ENOX1: variants seen among roughly 807,000 people sequenced by gnomAD.
ENOX1 encodes candidate growth-related and time keeping constitutive hydroquinone (NADH) oxidase.
ENOX1 carries 42 observed loss-of-function variants against 82.5 expected under a neutral mutation model. That is an observed-to-expected ratio of 0.51 (90% CI 0.40 to 0.66). The LOEUF is 0.66. Among genes scored for constraint, ENOX1 ranks in the 30% least tolerant of loss-of-function variants. ENOX1 has a pLI of 0.00. For synonymous variants in ENOX1, 271 were observed against 282.2 expected (o/e 0.96, Z 0.40); for missense variants, 608 against 811.6 (o/e 0.75, Z 3.05).
At chr13:43,684,438 C>A (rs2085961709) in intron 1 of ENOX1, among the ~76,000 whole-genome samples, 1 of 152,080 alleles carries the variant, frequency 6.6e-6, no homozygotes, top group African/African-American at 2.4e-5. Context: ...GAGCAAAAGT[C>A]AGATGTCCCA....
At chr13:43,401,823 C>G (rs1254942584) in intron 5 of ENOX1, among the ~76,000 whole-genome samples, 2 of 152,106 alleles carry the variant, frequency 1.3e-5, no homozygotes, top group African/African-American at 2.4e-5. Context: ...TGCTTAGATC[C>G]ATTAACCCAA....
chr13:43,598,453 G>T (rs2081562742), intron 2 of ENOX1, among the ~76,000 whole-genome samples: 1 of 152,122 alleles, frequency 6.6e-6, no homozygotes, highest in Non-Finnish European at 1.5e-5. Flanking sequence ...TTCATTTTCA[G>T]AACTGCTCTA....
intron 12 of ENOX1, among the ~76,000 whole-genome samples, chr13:43,297,550 CA>C (rs1187079462): frequency 6.6e-6 from 1 of 152,068 alleles, no homozygotes; most frequent in Non-Finnish European, 1.5e-5. Flanking sequence ...TTAAGAATAT[CA>C]GGTACCAATT....
At chr13:43,729,942 G>T (rs1305662439) in intron 1 of ENOX1, among the ~76,000 whole-genome samples, 1 of 152,180 alleles carries the variant, frequency 6.6e-6, no homozygotes, top group African/African-American at 2.4e-5. Flanking sequence ...CTCTGTGGGG[G>T]ACATCTCCTC....
intron 2 of ENOX1, among the ~76,000 whole-genome samples, chr13:43,595,546 GTTA>G (rs1364264283): frequency 1.3e-5 from 2 of 152,132 alleles, no homozygotes; most frequent in Non-Finnish European, 2.9e-5. Flanking sequence ...CTCAAGAAGA[GTTA>G]ACTGCTCTTT....
chr13:43,478,064 T>G (rs1057244688), intron 3 of ENOX1, among the ~76,000 whole-genome samples: 27 of 147,362 alleles, frequency 1.8e-4, no homozygotes, highest in African/African-American at 6.2e-4. Context: ...GTTTTTTTTT[T>G]TTTTTTTTTT....
chr13:43,515,268 C>A (rs548356765), intron 2 of ENOX1, among the ~76,000 whole-genome samples: 1 of 152,222 alleles, frequency 6.6e-6, no homozygotes, highest in South Asian at 2.1e-4. Context: ...TTAAAATGCA[C>A]GTTCCTGGAT....
chr13:43,215,529 T>G (rs2041425611), intron 16 of ENOX1, among the ~76,000 whole-genome samples: 1 of 152,230 alleles, frequency 6.6e-6, no homozygotes, highest in South Asian at 2.1e-4. Flanking sequence ...TCTGGTGAGA[T>G]TCGTGAGCAG....
intron 2 of ENOX1, among the ~76,000 whole-genome samples, chr13:43,571,746 G>A (rs1465227890): frequency 6.6e-6 from 1 of 152,052 alleles, no homozygotes; most frequent in Non-Finnish European, 1.5e-5. Context: ...ACTTCAAGGA[G>A]GTTGTTTAAA....
chr13:43,634,460 T>C (rs141551017), intron 2 of ENOX1, among the ~76,000 whole-genome samples: 2 of 152,314 alleles, frequency 1.3e-5, no homozygotes, highest in East Asian at 3.9e-4. Flanking sequence ...ACAAGGATAG[T>C]AAATTTCTGG....
At chr13:43,772,260 C>T (rs190568063) in intron 1 of ENOX1, among the ~76,000 whole-genome samples, 9 of 152,114 alleles carry the variant, frequency 5.9e-5, no homozygotes, top group Admixed American at 1.3e-4. Flanking sequence ...GAGAAAGTCA[C>T]GGTACTCAAA....
intron 2 of ENOX1, among the ~76,000 whole-genome samples, chr13:43,537,718 C>T (rs1028115412): frequency 6.6e-6 from 1 of 152,152 alleles, no homozygotes; most frequent in Admixed American, 6.5e-5. Flanking sequence ...AAGTACTGAA[C>T]CAGGTGGAGG....
rs144137083 is a variant in ENOX1 at position 43,281,290 on chromosome 13, A to C, written c.1447-11713T>G. On this transcript the variant is annotated intron_variant, in intron 12 of 16. Transcript: ENST00000690772. ...CATATTCTTAATACCTGCTGCTGAA[A>C]TCTATCTGGCAAAATACAATACAGC... Among the ~76,000 whole-genome samples, 36 of 152,348 alleles carry C rather than the reference A, an allele frequency of 2.4e-4. No homozygotes were observed. In the East Asian group the frequency reaches 6.0e-3, roughly 25 times the overall value.
chr13:43,759,097 CTTTTTTTTT>C (rs3044251), intron 1 of ENOX1, among the ~76,000 whole-genome samples: 1 of 122,448 alleles, frequency 8.2e-6, no homozygotes, highest in Non-Finnish European at 1.6e-5. Context: ...TGATAAGTTT[CTTTTTTTTT>C]TTTTTTTTTT....
At chr13:43,299,343 C>G (rs187980954) in intron 11 of ENOX1, among the ~76,000 whole-genome samples, 68 of 151,922 alleles carry the variant, frequency 4.5e-4, no homozygotes, top group Non-Finnish European at 9.3e-4. Context: ...AATCCCTTTC[C>G]CTAGTTTCTA....
In ENOX1 at chr13:43,576,792, A is replaced by G. The variant is rs866483591; in HGVS notation, c.-219+90687T>C. ...AGATCACATAGTATTTCTATGGAAC[A>G]GCACTAGGTTAGATTATAAACTCCA... is the stretch of plus-strand genomic sequence containing the variant. On this transcript the variant is annotated intron_variant, in intron 2 of 16. Transcript: ENST00000690772. 4.6e-5 allele frequency among the ~76,000 whole-genome samples: 7 copies of G among 152,240 alleles called. No individual in the cohort carries two copies. In the East Asian group the frequency reaches 1.2e-3, roughly 25 times the overall value.
chr13:43,531,401 G>C (rs1028846686), intron 2 of ENOX1, among the ~76,000 whole-genome samples: 8 of 151,710 alleles, frequency 5.3e-5, no homozygotes, highest in Non-Finnish European at 1.5e-5. Context: ...TTAGAATGGT[G>C]ATCATTAAAA....
intron 8 of ENOX1, among the ~76,000 whole-genome samples, chr13:43,352,756 G>A (rs1171163830): frequency 6.6e-6 from 1 of 152,176 alleles, no homozygotes; most frequent in African/African-American, 2.4e-5. Context: ...ATACAACACA[G>A]TGTTACCTCT....
intron 5 of ENOX1, among the ~76,000 whole-genome samples, chr13:43,382,409 A>G (rs1336397663): frequency 1.3e-5 from 2 of 152,188 alleles, no homozygotes; most frequent in African/African-American, 2.4e-5. Flanking sequence ...GTATTTCTTC[A>G]TAAGGTCAGA....
Sources: allele counts gnomAD v4.1 joint callset (sites outside exome capture counted in the v4.1 genomes callset), GRCh38; gene constraint gnomAD v4.1.1; transcripts MANE v1.5; gene names NCBI Gene and HGNC (gene_info 2026-07-23, HGNC 2026-07-21).